LRP1B: variants seen among roughly 807,000 people sequenced by gnomAD.
LRP1B encodes LDL receptor related protein 1B.
LRP1B carries 217 observed loss-of-function variants against 556.6 expected under a neutral mutation model. The observed-to-expected ratio is 0.39, with a 90% CI of 0.35 to 0.44. The LOEUF is 0.44. LRP1B is among the 20% of genes least tolerant of loss of function. The pLI is 1.00. For missense variants in LRP1B, 5,053 were observed against 5,620.8 expected (o/e 0.90, Z 3.23); for synonymous variants, 2,047 against 1,865.8 (o/e 1.10, Z -2.50).
intron 41 of LRP1B, among the ~76,000 whole-genome samples, chr2:140,690,526 A>G (rs1228425457): frequency 2.0e-5 from 3 of 152,222 alleles, no homozygotes; most frequent in African/African-American, 7.2e-5. Flanking sequence ...AATAGAAGAA[A>G]TGATTTTTCT....
At chr2:142,014,094 T>C (rs1435033277) in intron 1 of LRP1B, among the ~76,000 whole-genome samples, 1 of 151,884 alleles carries the variant, frequency 6.6e-6, no homozygotes, top group Non-Finnish European at 1.5e-5. Flanking sequence ...ACAAGCATTG[T>C]ACCTAGAGTG....
intron 2 of LRP1B, among the ~76,000 whole-genome samples, chr2:141,742,446 G>T (rs1693747451): frequency 6.6e-6 from 1 of 151,844 alleles, no homozygotes; most frequent in Non-Finnish European, 1.5e-5. Context: ...TAGAGGCAGG[G>T]TATCATCATT....
chr2:141,535,906 T>A (rs187864410), intron 2 of LRP1B, among the ~76,000 whole-genome samples: 92 of 152,258 alleles, frequency 6.0e-4, no homozygotes, highest in African/African-American at 2.2e-3. Flanking sequence ...TCTGCAATTA[T>A]TATTTACTTT....
intron 23 of LRP1B, among the ~76,000 whole-genome samples, chr2:140,896,304 T>C (rs944063588): frequency 1.3e-5 from 2 of 152,070 alleles, no homozygotes; most frequent in Non-Finnish European, 2.9e-5. Flanking sequence ...GTAGCATTTA[T>C]GAAATATCAT....
intron 6 of LRP1B, among the ~76,000 whole-genome samples, chr2:141,225,872 C>T (rs1273048809): frequency 3.9e-5 from 6 of 152,052 alleles, no homozygotes; most frequent in Non-Finnish European, 7.4e-5. Flanking sequence ...GTGCTATAAA[C>T]TTCTACAACC....
intron 2 of LRP1B, among the ~76,000 whole-genome samples, chr2:141,579,961 A>G (rs1479552551): frequency 6.6e-6 from 1 of 151,926 alleles, no homozygotes. Flanking sequence ...GGGCCTCCCA[A>G]AGTTCTGGGA....
At chr2:140,564,936 T>C (rs1049540168) in intron 43 of LRP1B, among the ~76,000 whole-genome samples, 3 of 152,078 alleles carry the variant, frequency 2.0e-5, no homozygotes, top group African/African-American at 7.2e-5. Flanking sequence ...AAAGATCTAC[T>C]TGTATATTTT....
intron 2 of LRP1B, among the ~76,000 whole-genome samples, chr2:141,540,425 G>T (rs2105208367): frequency 6.6e-6 from 1 of 152,080 alleles, no homozygotes; most frequent in Admixed American, 6.6e-5. Flanking sequence ...TCTAATTTGA[G>T]TTTTAAAGAG....
intron 20 of LRP1B, among the ~76,000 whole-genome samples, chr2:140,948,405 AAT>A (rs1695605487): frequency 6.6e-6 from 1 of 152,202 alleles, no homozygotes; most frequent in Non-Finnish European, 1.5e-5. Flanking sequence ...TTTTTCACTC[AAT>A]ATTAATGATA....
chr2:140,790,890 C>T (rs1466460063), intron 32 of LRP1B, among the ~76,000 whole-genome samples: 2 of 151,784 alleles, frequency 1.3e-5, no homozygotes, highest in East Asian at 3.9e-4. Flanking sequence ...CACTTGAGCC[C>T]ATAAGTTTGA....
intron 1 of LRP1B, among the ~76,000 whole-genome samples, chr2:141,823,568 A>C (rs1331562496): frequency 6.6e-6 from 1 of 152,212 alleles, no homozygotes; most frequent in Non-Finnish European, 1.5e-5. Flanking sequence ...TAGGTGGAGG[A>C]TAGCATACCG....
chr2:142,082,526 T>C (rs1379017528), intron 1 of LRP1B, among the ~76,000 whole-genome samples: 1 of 152,176 alleles, frequency 6.6e-6, no homozygotes, highest in Non-Finnish European at 1.5e-5. Flanking sequence ...GCTGATTTCT[T>C]GCTGGGAAAG....
intron 2 of LRP1B, among the ~76,000 whole-genome samples, chr2:141,495,555 T>A (rs7571511): frequency 0.95 from 144,028 of 152,154 alleles, 68,234 homozygotes; most frequent in East Asian, 1. Flanking sequence ...CAAATAAAAA[T>A]TCCAAAAAAG....
At chr2:140,534,754 G>A (rs960220769) in intron 46 of LRP1B, among the ~76,000 whole-genome samples, 1 of 152,098 alleles carries the variant, frequency 6.6e-6, no homozygotes, top group African/African-American at 2.4e-5. Context: ...AATAATAGCT[G>A]CCACGTATTA....
At chr2:140,485,974 A>G (rs1688455864) in intron 58 of LRP1B, among the ~76,000 whole-genome samples, 2 of 151,902 alleles carry the variant, frequency 1.3e-5, no homozygotes, top group African/African-American at 4.8e-5. Context: ...TATTTAGTTA[A>G]CTACAAGGAG....
At chr2:140,264,934 G>A (rs1215020712) in intron 86 of LRP1B, among the ~76,000 whole-genome samples, 1 of 145,102 alleles carries the variant, frequency 6.9e-6, no homozygotes, top group African/African-American at 2.4e-5. Context: ...AGACACCTAG[G>A]TGTGGAATGG....
At chr2:141,243,578 T>G (rs1158973261) in intron 5 of LRP1B, among the ~76,000 whole-genome samples, 2 of 152,190 alleles carry the variant, frequency 1.3e-5, no homozygotes, top group African/African-American at 2.4e-5. Context: ...TTTGTAGTCT[T>G]GTATGTCTCC....
intron 1 of LRP1B, among the ~76,000 whole-genome samples, chr2:142,085,242 C>T (rs1376617678): frequency 1.3e-5 from 2 of 152,178 alleles, no homozygotes; most frequent in Non-Finnish European, 2.9e-5. Flanking sequence ...GTTTAACCTT[C>T]TCAGGATGTC....
rs1436821608 is a variant in LRP1B at position 141,058,925 on chromosome 2, C to T, written c.1366G>A (p.Ala456Thr). 1 of 1,598,012 alleles carries T rather than the reference C, an allele frequency of 6.3e-7. No individual in the cohort carries two copies. Residue 456 changes from alanine (A) to threonine (T), a missense_variant, in exon 9 of 91, where the codon GCT becomes ACT. Transcript: ENST00000389484. ...DIHSLIKIEN[A>T]WGIRIYQKRT... is the part of the protein sequence containing the mutation. ...TTTTGATAAATTCGGATTCCCCAAG[C>T]ATTCTCAATTTTAATTAATGAGTGA...
Sources: gnomAD v4.1 joint callset for allele counts (sites outside exome capture counted in the v4.1 genomes callset) on GRCh38, gnomAD v4.1.1 for gene constraint, MANE v1.5 for transcripts, NCBI Gene and HGNC (gene_info 2026-07-23, HGNC 2026-07-21) for gene names.